The following EPC2 variants were observed in gnomAD, a reference collection of about 807,000 sequenced individuals.
EPC2 encodes the protein enhancer of polycomb 2, also known as enhancer of polycomb homolog 2.
Under a neutral mutation model 92.1 loss-of-function variants are expected in EPC2, and 14 were observed. That is an observed-to-expected ratio of 0.15 (90% confidence interval 0.10 to 0.24). EPC2 has a LOEUF of 0.24. Ranked by LOEUF, EPC2 falls within the 10% of genes least tolerant of loss-of-function variation. The probability of loss-of-function intolerance (pLI) is 1.00; values close to 1 mark genes in which losing one functional copy is unlikely to be tolerated. For synonymous variants in EPC2, 340 were observed against 334.7 expected (o/e 1.02, Z -0.17); for missense variants, 755 against 971.5 (o/e 0.78, Z 2.96).
intron 2 of EPC2, among the ~76,000 whole-genome samples, chr2:148,698,793 A>G (rs1163001418): frequency 1.4e-5 from 2 of 145,016 alleles, no homozygotes; most frequent in South Asian, 2.2e-4. Flanking sequence ...TGTCTCTCCA[A>G]GATAATTAAC....
At chr2:148,668,774 C>CT (rs879460780) in intron 1 of EPC2, among the ~76,000 whole-genome samples, 1 of 151,998 alleles carries the variant, frequency 6.6e-6, no homozygotes, top group South Asian at 2.1e-4. Context: ...TGTCTTCTCA[C>CT]TTTTTTTCCC....
rs995636005 is a variant in EPC2, at chr2:148,786,456, G to GTGA, written c.*81_*82insATG. ...AGCTGAATGCAAAAGGCAACACTCT[G>GTGA]TGGATCACAGAGTGTAACAATGGAC... On this transcript the variant is annotated 3_prime_UTR_variant, in exon 14 of 14. Coordinates refer to ENST00000258484, the MANE Select transcript of EPC2 (RefSeq NM_015630.4). 1.2e-4 allele frequency: 135 copies of GTGA among 1,125,620 alleles called. 1 individual carries two copies. The highest frequency in any genetic ancestry group is 1.6e-4 in the Non-Finnish European group (122 of 758,542). 69.7% of individuals were successfully genotyped at this position (1,125,620 alleles called of 1,614,324 possible).
intron 2 of EPC2, among the ~76,000 whole-genome samples, chr2:148,707,924 C>G (rs1167348785): frequency 2.0e-5 from 3 of 152,112 alleles, no homozygotes; most frequent in Non-Finnish European, 4.4e-5. Context: ...ACCCTAACAT[C>G]ACAATTAAAA....
rs1238590599 is a variant in EPC2 at position 148,777,972 on chromosome 2, G to A, written c.1721-3672G>A. Among the ~76,000 whole-genome samples the A allele has an allele frequency of 2.0e-5, 3 of 152,208 alleles. No homozygotes were observed. In the East Asian group the frequency reaches 5.8e-4, roughly 29 times the overall value. On this transcript the variant is annotated intron_variant, in intron 10 of 13. Transcript: ENST00000258484. ...TACTAACGTCCTGAATGACATATTT[G>A]GGTATATAAAAGGGAAAATCCTGTA...
intron 1 of EPC2, among the ~76,000 whole-genome samples, chr2:148,688,919 T>TGGTATGGAGGAAAGTAAAACAGGAAA (rs1339339283): frequency 2.6e-5 from 4 of 151,696 alleles, no homozygotes; most frequent in Non-Finnish European, 5.9e-5. Flanking sequence ...TGTTGCAAAG[T>TGGTATGGAGGAAAGTAAAACAGGAAA]GGTATGGAGG....
chr2:148,734,327 A>T (rs1682707771), intron 2 of EPC2, among the ~76,000 whole-genome samples: 1 of 152,146 alleles, frequency 6.6e-6, no homozygotes, highest in Admixed American at 6.5e-5. Flanking sequence ...AGCAGCTCAT[A>T]CATGGGAAGT....
At chr2:148,757,029 G>A (rs995521144) in intron 4 of EPC2, among the ~76,000 whole-genome samples, 33 of 152,186 alleles carry the variant, frequency 2.2e-4, no homozygotes, top group African/African-American at 7.5e-4. Flanking sequence ...CAGGGAATAG[G>A]GCCGTCTTAG....
intron 3 of EPC2, among the ~76,000 whole-genome samples, chr2:148,751,028 G>T (rs773052059): frequency 6.6e-6 from 1 of 152,040 alleles, no homozygotes; most frequent in African/African-American, 2.4e-5. Flanking sequence ...ATTAATTTGT[G>T]TTTGTCTTAC....
chr2:148,683,582 T>A (rs1312793676), intron 1 of EPC2, among the ~76,000 whole-genome samples: 1 of 152,184 alleles, frequency 6.6e-6, no homozygotes, highest in African/African-American at 2.4e-5. Context: ...ATCATTCTTA[T>A]GCCTTTGCAT....
chr2:148,698,597 T>C (rs1171423311), intron 2 of EPC2, among the ~76,000 whole-genome samples: 13 of 124,936 alleles, frequency 1.0e-4, no homozygotes, highest in African/African-American at 3.4e-4. Context: ...GATCGTGCCA[T>C]TGCACTCCAG....
chr2:148,747,862 C>G (rs529665322), intron 3 of EPC2, among the ~76,000 whole-genome samples: 2 of 152,032 alleles, frequency 1.3e-5, no homozygotes, highest in Non-Finnish European at 2.9e-5. Flanking sequence ...TGCTCCAGAG[C>G]TGGATTTCTA....
At position 148,744,044 on chromosome 2, in the gene EPC2, G is replaced by A. The variant is rs1574618066; in HGVS notation, c.459+277G>A. ...TGATCCTTTCCATATGACTAGTATT[G>A]GTGCTTCCATAACTAAATTTGCTTG... On this transcript the variant is annotated intron_variant, in intron 3 of 13. Transcript: ENST00000258484. Among the ~76,000 whole-genome samples the A allele has an allele frequency of 2.6e-5, 4 of 151,960 alleles. No individual in the cohort carries two copies. In the East Asian group the frequency reaches 7.7e-4, roughly 29 times the overall value.
intron 10 of EPC2, among the ~76,000 whole-genome samples, chr2:148,775,701 TATC>T (rs1558837497): frequency 4.3e-5 from 6 of 138,182 alleles, no homozygotes; most frequent in Admixed American, 1.5e-4. Flanking sequence ...TAAAATTAAA[TATC>T]TTTATTAAAT....
At chr2:148,663,201 T>C (rs1275853944) in intron 1 of EPC2, among the ~76,000 whole-genome samples, 2 of 128,376 alleles carry the variant, frequency 1.6e-5, no homozygotes, top group African/African-American at 5.6e-5. Context: ...TTTGTATTAT[T>C]ATTATTATTA....
intron 1 of EPC2, among the ~76,000 whole-genome samples, chr2:148,660,766 T>C (rs980009713): frequency 6.6e-6 from 1 of 152,010 alleles, no homozygotes; most frequent in Non-Finnish European, 1.5e-5. Flanking sequence ...TTTAAAAAAA[T>C]AATCTTTTCT....
chr2:148,699,101 T>C (rs1162011343), intron 2 of EPC2, among the ~76,000 whole-genome samples: 1 of 152,150 alleles, frequency 6.6e-6, no homozygotes, highest in Non-Finnish European at 1.5e-5. Context: ...AACTAGTAAT[T>C]TGAATTAGTG....
At chr2:148,763,173 G>A (rs1683334656) in intron 6 of EPC2, among the ~76,000 whole-genome samples, 2 of 152,202 alleles carry the variant, frequency 1.3e-5, no homozygotes, top group East Asian at 3.9e-4. Flanking sequence ...CATTGTAATG[G>A]AAGGAATCAA....
rs200889447 is a variant in EPC2 at position 148,734,235 on chromosome 2, C to T, written c.314-9387C>T. On this transcript the variant is annotated intron_variant, in intron 2 of 13. Transcript: ENST00000258484. Reference sequence around the variant, plus strand: ...ATTTGAAATGTTTCCCCATTGAAGCCCTAGTGACTTTAAGTTTTATAAATC... The same window carrying T: ...ATTTGAAATGTTTCCCCATTGAAGCTCTAGTGACTTTAAGTTTTATAAATC... 3.3e-5 allele frequency among the ~76,000 whole-genome samples: 5 copies of T among 151,898 alleles called. No individual in the cohort carries two copies. In the East Asian group the frequency reaches 9.7e-4, roughly 29 times the overall value.
intron 10 of EPC2, among the ~76,000 whole-genome samples, chr2:148,779,873 T>G (rs890257224): frequency 6.6e-6 from 1 of 152,194 alleles, no homozygotes; most frequent in African/African-American, 2.4e-5. Flanking sequence ...CCATTTCTTT[T>G]GAATTGGTGC....
Sources: allele counts gnomAD v4.1 joint callset (sites outside exome capture counted in the v4.1 genomes callset), GRCh38; gene constraint gnomAD v4.1.1; transcripts MANE v1.5; gene names NCBI Gene and HGNC (gene_info 2026-07-23, HGNC 2026-07-21).